The following SLC8A1 variants were observed in gnomAD, a reference collection of about 807,000 sequenced individuals.
SLC8A1 encodes the protein sodium/calcium exchanger 1.
A neutral mutation model predicts 68.3 loss-of-function variants in SLC8A1; 18 were observed. The observed-to-expected ratio is 0.26, with a 90% confidence interval of 0.18 to 0.39. The LOEUF is 0.39. Among genes scored for constraint, SLC8A1 ranks in the 10% least tolerant of loss-of-function variants. The pLI, the probability that SLC8A1 is intolerant of heterozygous loss-of-function variation, is 1.00. For synonymous variants in SLC8A1, 475 were observed against 415.5 expected (o/e 1.14, Z -1.74); for missense variants, 985 against 1,156.7 (o/e 0.85, Z 2.15).
intron 1 of SLC8A1, among the ~76,000 whole-genome samples, chr2:40,469,022 C>A (rs1703856682): frequency 6.6e-6 from 1 of 152,112 alleles, no homozygotes; most frequent in South Asian, 2.1e-4. Context: ...GTCTGTATTT[C>A]ATAAGTGCAA....
chr2:40,262,227 C>G (rs933792790), intron 2 of SLC8A1, among the ~76,000 whole-genome samples: 1 of 152,192 alleles, frequency 6.6e-6, no homozygotes, highest in East Asian at 1.9e-4. Context: ...TCCCAAAGTG[C>G]TGGGATTACA....
intron 2 of SLC8A1, among the ~76,000 whole-genome samples, chr2:40,229,254 A>T (rs1468187752): frequency 6.6e-6 from 1 of 152,092 alleles, no homozygotes; most frequent in Non-Finnish European, 1.5e-5. Context: ...TCATGACCCT[A>T]CTAAGTTGCA....
intron 2 of SLC8A1, among the ~76,000 whole-genome samples, chr2:40,380,472 CTGTTT>C (rs1681383803): frequency 6.6e-6 from 1 of 152,040 alleles, no homozygotes; most frequent in African/African-American, 2.4e-5. Flanking sequence ...ACAAACTTAT[CTGTTT>C]TATCTCATTT....
In SLC8A1 at chr2:40,335,977, T is replaced by C. The variant is rs539438268; in HGVS notation, c.1808+92496A>G. Among the ~76,000 whole-genome samples the C allele has an allele frequency of 9.7e-4, 147 of 152,290 alleles. 1 individual carries two copies. Among genetic ancestry groups the C allele is most frequent in the African/African-American group, 3.5e-3 (144 of 41,554 alleles). ...TCAGTGGGGAGAAAGGAAAAGTCCATGAAGTGGGTAATGCTAGAGCTACAC... is the reference window on the plus strand; with the variant it reads ...TCAGTGGGGAGAAAGGAAAAGTCCACGAAGTGGGTAATGCTAGAGCTACAC... On this transcript the variant is annotated intron_variant, in intron 2 of 7. Coordinates refer to ENST00000406785, the Ensembl canonical transcript of SLC8A1.
intron 2 of SLC8A1, among the ~76,000 whole-genome samples, chr2:40,284,799 C>T (rs2068052205): frequency 6.6e-6 from 1 of 151,870 alleles, no homozygotes; most frequent in Non-Finnish European, 1.5e-5. Context: ...CAACGGCTCA[C>T]CAAGGACAAG....
chr2:40,137,509 A>G (rs770432357), intron 7 of SLC8A1, among the ~76,000 whole-genome samples: 1 of 152,234 alleles, frequency 6.6e-6, no homozygotes, highest in South Asian at 2.1e-4. Flanking sequence ...GACTTAAACC[A>G]TAGGAAAAGT....
At chr2:40,393,579 T>C (rs1685979161) in intron 2 of SLC8A1, among the ~76,000 whole-genome samples, 1 of 152,124 alleles carries the variant, frequency 6.6e-6, no homozygotes. Flanking sequence ...GAATGTACTC[T>C]CTAATTTACC....
chr2:40,309,990 C>A (rs965220037), intron 2 of SLC8A1, among the ~76,000 whole-genome samples: 1 of 152,152 alleles, frequency 6.6e-6, no homozygotes, highest in African/African-American at 2.4e-5. Flanking sequence ...TTTCCCTTCC[C>A]CTCAGCCCCT....
intron 7 of SLC8A1, among the ~76,000 whole-genome samples, chr2:40,132,742 G>A (rs960733559): frequency 2.0e-5 from 3 of 151,208 alleles, no homozygotes; most frequent in African/African-American, 7.3e-5. Context: ...ATTTTCAGGG[G>A]AAGGATCTAA....
At chr2:40,456,368 C>A (rs961521301), upstream of SLC8A1, among the ~76,000 whole-genome samples, 1 of 144,840 alleles carries the variant, frequency 6.9e-6, no homozygotes, top group Admixed American at 6.9e-5. Context: ...AATTCTGAGA[C>A]TTCTGTTTTT....
At chr2:40,143,344 C>G (rs2041919258) in intron 6 of SLC8A1, among the ~76,000 whole-genome samples, 1 of 152,070 alleles carries the variant, frequency 6.6e-6, no homozygotes. Flanking sequence ...TATGTGACAG[C>G]AAAAATGATG....
At chr2:40,139,485 G>A in exon 7 of SLC8A1, 1 of 1,614,190 alleles carries the variant, frequency 6.2e-7, no homozygotes, top group African/African-American at 1.3e-5. Context: ...TGGGAAGCCA[G>A]GTCTCCAATG....
intron 2 of SLC8A1, among the ~76,000 whole-genome samples, chr2:40,192,747 ATTGAG>A (rs1447865332): frequency 6.6e-6 from 1 of 151,936 alleles, no homozygotes; most frequent in Non-Finnish European, 1.5e-5. Flanking sequence ...ACTTTTTTTT[ATTGAG>A]TTATCTTTGA....
chr2:40,270,263 A>G (rs138104584), intron 2 of SLC8A1, among the ~76,000 whole-genome samples: 105 of 152,368 alleles, frequency 6.9e-4, no homozygotes, highest in African/African-American at 2.3e-3. Context: ...TGCCAGAAGC[A>G]CTACCAAGGA....
chr2:40,248,478 A>C (rs1172050004), intron 2 of SLC8A1, among the ~76,000 whole-genome samples: 1 of 152,146 alleles, frequency 6.6e-6, no homozygotes, highest in Non-Finnish European at 1.5e-5. Context: ...ATGAATCAGG[A>C]AATTGTACTT....
chr2:40,501,332 G>T (rs1428649146), intron 1 of SLC8A1, among the ~76,000 whole-genome samples: 1 of 151,958 alleles, frequency 6.6e-6, no homozygotes, highest in Non-Finnish European at 1.5e-5. Context: ...TTGTATTTAT[G>T]TACTCTTTGT....
chr2:40,325,274 A>C (rs1050147909), intron 2 of SLC8A1, among the ~76,000 whole-genome samples: 1 of 152,158 alleles, frequency 6.6e-6, no homozygotes, highest in African/African-American at 2.4e-5. Context: ...TGCCATGAAA[A>C]TACTTGACCT....
rs183209886 is a variant in SLC8A1 at position 40,317,254 on chromosome 2, C to G, written c.1808+111219G>C. 4.9e-3 allele frequency among the ~76,000 whole-genome samples: 729 copies of G among 150,182 alleles called. 7 individuals carry two copies. The highest frequency in any genetic ancestry group is 0.017 in the African/African-American group (689 of 39,684). ...CCTCTCTGTTATTTATTACTGGAGACAGACAGTATCCATCACTTCTCAGAT... is the reference window on the plus strand; with the variant it reads ...CCTCTCTGTTATTTATTACTGGAGAGAGACAGTATCCATCACTTCTCAGAT... On this transcript the variant is annotated intron_variant, in intron 2 of 7. Transcript: ENST00000406785.
intron 2 of SLC8A1, among the ~76,000 whole-genome samples, chr2:40,247,692 C>T (rs545138164): frequency 7.9e-5 from 12 of 152,050 alleles, no homozygotes; most frequent in African/African-American, 1.7e-4. Flanking sequence ...TAACTGCTTA[C>T]GTATACATAG....
Sources: allele counts gnomAD v4.1 joint callset (sites outside exome capture counted in the v4.1 genomes callset), GRCh38; gene constraint gnomAD v4.1.1; transcripts MANE v1.5; gene names NCBI Gene and HGNC (gene_info 2026-07-23, HGNC 2026-07-21).